Variants in SLC39A11 observed in about 807,000 individuals in gnomAD.
SLC39A11 encodes the protein solute carrier family 39 member 11.
Under a neutral mutation model 36.1 loss-of-function variants are expected in SLC39A11, and 33 were observed. The observed-to-expected ratio is 0.91, with a 90% CI of 0.69 to 1.22. The LOEUF (loss-of-function observed/expected upper bound fraction) is 1.22. Ranked by LOEUF, SLC39A11 falls within the 50% of genes most tolerant of loss-of-function variation. The probability of loss-of-function intolerance (pLI) is 0.00; values close to 1 mark genes in which losing one functional copy is unlikely to be tolerated. For missense variants in SLC39A11, 432 were observed against 430.3 expected (o/e 1.00, Z -0.03); for synonymous variants, 166 against 170.3 (o/e 0.97, Z 0.20).
chr17:72,884,239 C>T (rs1202934036), intron 5 of SLC39A11, among the ~76,000 whole-genome samples: 1 of 152,244 alleles, frequency 6.6e-6, no homozygotes, highest in African/African-American at 2.4e-5. Context: ...GCTTGGCTCA[C>T]AAAAGCAGCG....
At chr17:72,922,990 A>AAAC (rs71154930) in intron 5 of SLC39A11, among the ~76,000 whole-genome samples, 1 of 117,346 alleles carries the variant, frequency 8.5e-6, no homozygotes, top group Non-Finnish European at 1.9e-5. Flanking sequence ...AAAAAAAAAA[A>AAAC]CACACAGAAA....
At chr17:72,662,774 AGAAAG>A (rs1461288935) in intron 7 of SLC39A11, among the ~76,000 whole-genome samples, 1 of 151,018 alleles carries the variant, frequency 6.6e-6, no homozygotes, top group Non-Finnish European at 1.5e-5. Flanking sequence ...GGAAAAGAAA[AGAAAG>A]GAAGGAAGGA....
At chr17:72,663,700 G>A (rs1051152597) in intron 7 of SLC39A11, 1 of 152,166 alleles carries the variant, frequency 6.6e-6, no homozygotes, top group African/African-American at 2.4e-5. Context: ...TAGATCATGA[G>A]TTTGGACATC....
At chr17:72,942,968 A>G (rs1349391009) in intron 5 of SLC39A11, among the ~76,000 whole-genome samples, 1 of 152,234 alleles carries the variant, frequency 6.6e-6, no homozygotes. Flanking sequence ...CATGAAGTCA[A>G]TGGGCCAATA....
intron 6 of SLC39A11, among the ~76,000 whole-genome samples, chr17:72,797,524 G>A (rs2076935390): frequency 6.6e-6 from 1 of 152,108 alleles, no homozygotes; most frequent in Admixed American, 6.5e-5. Context: ...GGCTCTATTT[G>A]CTTGGGGGAA....
chr17:73,009,243 T>C (rs1320970156), intron 4 of SLC39A11, among the ~76,000 whole-genome samples: 2 of 150,458 alleles, frequency 1.3e-5, no homozygotes, highest in East Asian at 3.9e-4. Context: ...GTGGCGGGCA[T>C]CTGTAGTCCC....
rs1207744156 is a variant in SLC39A11 at position 72,646,265 on chromosome 17, T to C, written c.*1319A>G. ...CTGAGAGCAGACACTGACAATGCAA[T>C]GCCTGCATACCTGACTCCTGGGCTG... On this transcript the variant is annotated 3_prime_UTR_variant, in exon 10 of 10. Coordinates refer to ENST00000255559, the MANE Select transcript of SLC39A11 (RefSeq NM_139177.4). The C allele has an allele frequency of 1.3e-5, 2 of 152,650 alleles. No individual in the cohort carries two copies. Among genetic ancestry groups the C allele is most frequent in the Non-Finnish European group, 2.9e-5 (2 of 68,054 alleles). The allele number at this position is 152,650 out of a possible 1,614,324, so 9.5% of individuals were successfully genotyped here.
At chr17:72,667,587 G>A (rs2070812833) in intron 7 of SLC39A11, among the ~76,000 whole-genome samples, 1 of 152,126 alleles carries the variant, frequency 6.6e-6, no homozygotes, top group African/African-American at 2.4e-5. Context: ...TCATCAGCTG[G>A]GAGGCTCAGC....
chr17:73,023,034 A>G lies in SLC39A11; in HGVS notation c.306+8522T>C, dbSNP rs1040556128. Among the ~76,000 whole-genome samples the G allele has an allele frequency of 2.8e-4, 43 of 152,186 alleles. 2 individuals are homozygous for G. On this transcript the variant is annotated intron_variant, in intron 4 of 9. Transcript: ENST00000255559. ...ACCGCTTCCATTACTGCAAGCTCAC[A>G]GGTTTCCTCCCTTAGAAACTGAAGT...
chr17:72,648,723 A>G, intron 9 of SLC39A11, 80 bp downstream of exon 9: 1 of 1,553,662 alleles, frequency 6.4e-7, no homozygotes, highest in Non-Finnish European at 8.8e-7. Flanking sequence ...GGAAAGGCAA[A>G]TGAAGAAAGA....
intron 5 of SLC39A11, among the ~76,000 whole-genome samples, chr17:72,888,224 C>T (rs1379648903): frequency 1.3e-5 from 2 of 152,144 alleles, no homozygotes; most frequent in Admixed American, 1.3e-4. Flanking sequence ...TTATTTTGTT[C>T]CACATTTTAA....
Position 73,056,125 on chromosome 17 carries a change from C to T in SLC39A11, c.148-24411G>A, listed in dbSNP as rs573032879. On this transcript the variant is annotated intron_variant, in intron 3 of 9. Transcript: ENST00000255559. ...GTGAGGTCCCATCTTCCCCACAGAG[C>T]CCCGAGGGTGGTGAATGCCTCTCAG... 8.5e-5 allele frequency among the ~76,000 whole-genome samples: 13 copies of T among 152,164 alleles called. 1 individual carries two copies. The South Asian group carries it at 2.7e-3, about 32-fold the overall frequency.
chr17:72,972,400 C>T (rs1275674801), intron 4 of SLC39A11, among the ~76,000 whole-genome samples: 1 of 152,124 alleles, frequency 6.6e-6, no homozygotes, highest in Non-Finnish European at 1.5e-5. Flanking sequence ...CAATCGTAAA[C>T]CTAATATTTA....
chr17:72,827,703 A>C (rs1304590367), intron 6 of SLC39A11, among the ~76,000 whole-genome samples: 1 of 152,170 alleles, frequency 6.6e-6, no homozygotes, highest in Non-Finnish European at 1.5e-5. Flanking sequence ...TCACCCTTGG[A>C]TACAGATCCC....
At chr17:72,929,119 C>T (rs2084229258) in intron 5 of SLC39A11, among the ~76,000 whole-genome samples, 1 of 152,124 alleles carries the variant, frequency 6.6e-6, no homozygotes, top group African/African-American at 2.4e-5. Context: ...GCTGTCTACT[C>T]CACAGCAGAA....
chr17:72,986,682 T>C (rs2088789696), intron 4 of SLC39A11, among the ~76,000 whole-genome samples: 3 of 152,068 alleles, frequency 2.0e-5, no homozygotes, highest in African/African-American at 4.8e-5. Context: ...GCTCCCGGGG[T>C]GAACCGTGCA....
Position 72,906,030 on chromosome 17 carries a change from G to A in SLC39A11, c.430+41722C>T, listed in dbSNP as rs571545109. Among the ~76,000 whole-genome samples the A allele has an allele frequency of 2.0e-5, 3 of 152,318 alleles. No homozygotes were observed. The South Asian group carries it at 6.2e-4, about 32-fold the overall frequency. ...GGCCTCCCAAAGTGCTGGGATTACA[G>A]GCGTGAGCCACCACACTCGGCCAAA... On this transcript the variant is annotated intron_variant, in intron 5 of 9. Transcript: ENST00000255559.
chr17:72,743,159 G>A (rs1368195766), intron 6 of SLC39A11, among the ~76,000 whole-genome samples: 1 of 152,192 alleles, frequency 6.6e-6, no homozygotes, highest in African/African-American at 2.4e-5. Flanking sequence ...CCAGTGAGCA[G>A]ATGAAGAAAA....
intron 7 of SLC39A11, among the ~76,000 whole-genome samples, chr17:72,725,246 T>A (rs1462628299): frequency 6.6e-6 from 1 of 152,226 alleles, no homozygotes; most frequent in Non-Finnish European, 1.5e-5. Context: ...CGCACCTCTA[T>A]GCTCCCCTGC....
Sources: gnomAD v4.1 joint callset for allele counts (sites outside exome capture counted in the v4.1 genomes callset) on GRCh38, gnomAD v4.1.1 for gene constraint, MANE v1.5 for transcripts, NCBI Gene and HGNC (gene_info 2026-07-23, HGNC 2026-07-21) for gene names.